GABRR3: variants seen among roughly 807,000 people sequenced by gnomAD.
The protein encoded by GABRR3 is gamma-aminobutyric acid type A receptor subunit rho3.
Under a neutral mutation model 43.2 loss-of-function variants are expected in GABRR3, and 29 were observed. The ratio of observed to expected loss-of-function variants is 0.67; its 90% CI spans 0.50 to 0.92. The LOEUF is 0.92. Among genes scored for constraint, GABRR3 ranks in the 40% least tolerant of loss-of-function variants. The pLI, the probability that GABRR3 is intolerant of heterozygous loss-of-function variation, is 0.00. For missense variants in GABRR3, 576 were observed against 572.3 expected, an observed-to-expected ratio of 1.01 and a Z score of -0.07; for synonymous variants, 206 against 195.9, an observed-to-expected ratio of 1.05 and a Z score of -0.43.
chr3:97,988,087 G>A (rs1184818679), intron 9 of GABRR3, among the ~76,000 whole-genome samples: 2 of 151,916 alleles, frequency 1.3e-5, no homozygotes, highest in East Asian at 3.9e-4. Context: ...CCCGGATGGG[G>A]CTTGAAGTAG....
chr3:98,024,366 CAA>C (rs35090836), intron 3 of GABRR3, among the ~76,000 whole-genome samples: 64 of 42,470 alleles, frequency 1.5e-3, no homozygotes, highest in East Asian at 7.4e-3. Flanking sequence ...GACTCCGTCT[CAA>C]AAAAAAAAAA....
rs747201162 is a variant in GABRR3, at chr3:98,025,724, T to G, written c.126-45A>C. On this transcript the variant is annotated intron_variant, in intron 2 of 9. Coordinates refer to ENST00000621172, the Ensembl canonical transcript of GABRR3. ...AAAAAAACTTCTGAGATACATATGCTTCTGGATATTTTGATTTAGGTTAGC... is the reference window on the plus strand; with the variant it reads ...AAAAAAACTTCTGAGATACATATGCGTCTGGATATTTTGATTTAGGTTAGC... The G allele has an allele frequency of 3.2e-6, 4 of 1,266,576 alleles. No homozygotes were observed. The African/African-American group carries it at 6.0e-5, about 19-fold the overall frequency. 78.5% of individuals were successfully genotyped at this position (1,266,576 alleles called of 1,614,324 possible).
chr3:98,001,053 T>C (rs550808833), intron 8 of GABRR3: 2 of 153,178 alleles, frequency 1.3e-5, no homozygotes, highest in Non-Finnish European at 2.9e-5. Flanking sequence ...CCAACTAATA[T>C]GCCACTGTAC....
intron 2 of GABRR3, among the ~76,000 whole-genome samples, chr3:98,029,789 G>T (rs114602619): frequency 0.024 from 3,609 of 152,136 alleles, 138 homozygotes; most frequent in African/African-American, 0.082. Context: ...ATTAGCAAAA[G>T]ACAAAAAATA....
chr3:98,007,883 A>T, exon 7 of GABRR3: 1 of 1,588,530 alleles, frequency 6.3e-7, no homozygotes, highest in Non-Finnish European at 8.6e-7. Flanking sequence ...GTATAGCATT[A>T]GGTCATCCTC....
chr3:98,025,787 A>G (rs1297255339), intron 2 of GABRR3, 108 bp from the exon 3 acceptor site: 5 of 629,052 alleles, frequency 7.9e-6, no homozygotes, highest in Non-Finnish European at 1.4e-5. Flanking sequence ...AAATACATAC[A>G]TAAAAGCTCA....
chr3:97,988,534 G>A (rs953587951), intron 9 of GABRR3, among the ~76,000 whole-genome samples: 1 of 152,158 alleles, frequency 6.6e-6, no homozygotes, highest in African/African-American at 2.4e-5. Context: ...GTAGTGGTGT[G>A]TGGTGGTGGA....
At chr3:98,004,046 G>T (rs868421151) in intron 7 of GABRR3, among the ~76,000 whole-genome samples, 1 of 152,142 alleles carries the variant, frequency 6.6e-6, no homozygotes, top group South Asian at 2.1e-4. Context: ...GAGAGAAAAA[G>T]GCTAGAGAGT....
In GABRR3 at chr3:97,986,738, A is replaced by C; in HGVS notation, c.1349T>G (p.Leu450Ter). 6.3e-7 allele frequency: 1 copy of C among 1,588,720 alleles called. No homozygotes were observed. The highest frequency in any genetic ancestry group is 8.6e-7 in the Non-Finnish European group (1 of 1,164,788). ...AAATAAAATATACACAATGGGGAAT[A>C]AAATCCTAGAATAGGTGTCAATGAC... Residue 450 changes from leucine to a stop codon, truncating the protein, a stop_gained, in exon 10 of 10, where the codon TTA (leucine) becomes TGA (stop). Transcript: ENST00000621172. LOFTEE classifies it high-confidence loss of function.
intron 4 of GABRR3, among the ~76,000 whole-genome samples, chr3:98,016,084 A>G (rs1706870442): frequency 1.3e-5 from 2 of 152,264 alleles, no homozygotes; most frequent in Admixed American, 1.3e-4. Context: ...ATCAGGTCTC[A>G]TGAGAACTCT....
chr3:97,995,568 C>A (rs553593639), intron 8 of GABRR3, among the ~76,000 whole-genome samples: 22 of 150,740 alleles, frequency 1.5e-4, no homozygotes, highest in Middle Eastern at 3.4e-3. Context: ...TATTTTAAAA[C>A]CAGCATTCTA....
At chr3:98,025,523 A>G in intron 3 of GABRR3, 44 bp downstream of exon 3, 1 of 1,274,106 alleles carries the variant, frequency 7.8e-7, no homozygotes, top group South Asian at 1.5e-5. Context: ...CCATTTTGAC[A>G]GTGCAATGGG....
At chr3:98,010,794 C>A (rs568215032) in intron 5 of GABRR3, among the ~76,000 whole-genome samples, 1 of 152,274 alleles carries the variant, frequency 6.6e-6, no homozygotes, top group South Asian at 2.1e-4. Context: ...TCCTATGCTA[C>A]TCCTGACTTA....
chr3:97,990,778 GC>G (rs973578798), intron 9 of GABRR3, among the ~76,000 whole-genome samples: 1 of 152,076 alleles, frequency 6.6e-6, no homozygotes, highest in African/African-American at 2.4e-5. Context: ...GGTTTCCAGG[GC>G]CTGGGGGGAG....
At chr3:98,025,985 G>A (rs961930462) in intron 2 of GABRR3, among the ~76,000 whole-genome samples, 8 of 152,254 alleles carry the variant, frequency 5.3e-5, no homozygotes, top group Non-Finnish European at 8.8e-5. Flanking sequence ...TACCTGAGTG[G>A]AGGTGATCAA....
intron 9 of GABRR3, among the ~76,000 whole-genome samples, chr3:97,989,205 G>T (rs1421279595): frequency 1.3e-5 from 2 of 151,328 alleles, no homozygotes; most frequent in Non-Finnish European, 3.0e-5. Context: ...GTGGATGGTG[G>T]TGGTGTTGGT....
chr3:98,033,334 G>A (rs1034192507), intron 2 of GABRR3, among the ~76,000 whole-genome samples: 11 of 152,118 alleles, frequency 7.2e-5, no homozygotes, highest in African/African-American at 1.4e-4. Flanking sequence ...CGTTTCCTAC[G>A]GGGGAAGTCT....
chr3:98,030,114 G>GAA (rs35867090), intron 2 of GABRR3, among the ~76,000 whole-genome samples: 21 of 139,974 alleles, frequency 1.5e-4, no homozygotes, highest in African/African-American at 4.8e-4. Context: ...GACTGTCTTG[G>GAA]AAAAAAAAAA....
chr3:98,031,385 T>C (rs1226456074), intron 2 of GABRR3, among the ~76,000 whole-genome samples: 1 of 152,148 alleles, frequency 6.6e-6, no homozygotes, highest in African/African-American at 2.4e-5. Flanking sequence ...AGAGAAAAGC[T>C]TGGATTTCTT....
Sources: gnomAD v4.1 joint callset for allele counts (sites outside exome capture counted in the v4.1 genomes callset) on GRCh38, gnomAD v4.1.1 for gene constraint, MANE v1.5 for transcripts, NCBI Gene and HGNC (gene_info 2026-07-23, HGNC 2026-07-21) for gene names.